GSE1: variants seen among roughly 807,000 people sequenced by gnomAD.
GSE1 encodes the protein genetic suppressor element 1.
Under a neutral mutation model 112.6 loss-of-function variants are expected in GSE1, and 32 were observed. That is an observed-to-expected ratio of 0.28 (90% CI 0.21 to 0.38). The LOEUF is 0.38. Ranked by LOEUF, GSE1 falls within the 10% of genes least tolerant of loss-of-function variation. The pLI is 1.00. For synonymous variants in GSE1, 1,115 were observed against 735.6 expected, an observed-to-expected ratio of 1.52 and a Z score of -8.35; for missense variants, 2,348 against 1,699.2, an observed-to-expected ratio of 1.38 and a Z score of -6.71.
At chr16:85,606,947 G>A (rs1243195911), upstream of GSE1, among the ~76,000 whole-genome samples, 1 of 152,088 alleles carries the variant, frequency 6.6e-6, no homozygotes, top group African/African-American at 2.4e-5. Context: ...AAGTTTAAAG[G>A]TTTTAAATGC....
At chr16:85,407,372 C>T (rs866050727) in intron 2 of GSE1, among the ~76,000 whole-genome samples, 12 of 12,372 alleles carry the variant, frequency 9.7e-4, no homozygotes, top group Admixed American at 2.3e-3. Flanking sequence ...AGGGCCCCCC[C>T]GGATAATCCT....
intron 1 of GSE1, among the ~76,000 whole-genome samples, chr16:85,336,980 G>A (rs899094283): frequency 7.2e-6 from 1 of 139,764 alleles, no homozygotes; most frequent in Non-Finnish European, 1.5e-5. Flanking sequence ...ACATATACAT[G>A]GGCACACACA....
Position 85,645,711 on chromosome 16 carries a change from C to A in GSE1, c.227-2841C>A, listed in dbSNP as rs147423586. 5.2e-3 allele frequency among the ~76,000 whole-genome samples: 799 copies of A among 152,232 alleles called. 5 individuals carry two copies. Among genetic ancestry groups the A allele is most frequent in the Middle Eastern group, 0.01 (3 of 294 alleles). On this transcript the variant is annotated intron_variant, in intron 2 of 15. Coordinates refer to ENST00000253458, the MANE Select transcript of GSE1 (RefSeq NM_014615.5). ...TGAAGGGGAGATGAGGCTGCTTCTG[C>A]CCCCGGAACCAAGGCCAGGTCTGAA...
At chr16:85,436,682 A>C (rs2049253915) in intron 2 of GSE1, among the ~76,000 whole-genome samples, 1 of 152,214 alleles carries the variant, frequency 6.6e-6, no homozygotes, top group African/African-American at 2.4e-5. Flanking sequence ...CAACTGGGCA[A>C]GGCCCAAACC....
intron 1 of GSE1, among the ~76,000 whole-genome samples, chr16:85,585,174 G>C (rs1469340284): frequency 2.6e-5 from 4 of 152,238 alleles, no homozygotes; most frequent in Non-Finnish European, 5.9e-5. Context: ...ACAGAGGATG[G>C]GACAATAAAA....
chr16:85,419,531 G>T lies in GSE1; in HGVS notation c.2464+61888G>T, dbSNP rs1259722707. On this transcript the variant is annotated intron_variant, in intron 2 of 2. Coordinates refer to the GSE1 transcript ENST00000637419. This position sits in a 1 kb window ranked among gnomAD's most constrained non-coding sequence, Gnocchi z 6.5. ...TGAGGTGGGAGGATCGCCTGACCCTGGGAAATCGAGGCTGCAGTGAGCCAT... is the reference window on the plus strand; with the variant it reads ...TGAGGTGGGAGGATCGCCTGACCCTTGGAAATCGAGGCTGCAGTGAGCCAT... Among the ~76,000 whole-genome samples, 1 of 151,752 alleles carries T rather than the reference G, an allele frequency of 6.6e-6. No individual in the cohort carries two copies. Among genetic ancestry groups the T allele is most frequent in the African/African-American group, 2.4e-5 (1 of 41,286 alleles).
At chr16:85,231,725 A>G (rs907375547) in intron 1 of GSE1, among the ~76,000 whole-genome samples, 6 of 152,108 alleles carry the variant, frequency 3.9e-5, no homozygotes, top group African/African-American at 1.4e-4. Context: ...TTGGTCAGCA[A>G]CCTGTCTAGG....
intron 2 of GSE1, among the ~76,000 whole-genome samples, chr16:85,410,231 G>C (rs866422273): frequency 0.019 from 160 of 8,302 alleles, 23 homozygotes; most frequent in Admixed American, 0.034. Context: ...TACACTCAGG[G>C]CCCCCTGGAT....
At chr16:85,631,390 G>A (rs1055229755) in intron 1 of GSE1, among the ~76,000 whole-genome samples, 22 of 152,236 alleles carry the variant, frequency 1.4e-4, no homozygotes, top group African/African-American at 5.3e-4. Flanking sequence ...CGGCCTTTTG[G>A]GGTCACGGGG....
chr16:85,620,128 T>C (rs112499324), intron 1 of GSE1, among the ~76,000 whole-genome samples: 2 of 151,866 alleles, frequency 1.3e-5, no homozygotes, highest in Non-Finnish European at 2.9e-5. Context: ...AAAATAAAAA[T>C]AAAAAGAACT....
chr16:85,391,202 C>T (rs1259482350), intron 2 of GSE1, among the ~76,000 whole-genome samples: 4 of 152,228 alleles, frequency 2.6e-5, no homozygotes, highest in Non-Finnish European at 4.4e-5. Flanking sequence ...CAGCAGCCCA[C>T]GTGGCACAGA....
chr16:85,243,037 T>A (rs1485299541), intron 1 of GSE1, among the ~76,000 whole-genome samples: 3 of 152,150 alleles, frequency 2.0e-5, no homozygotes, highest in Non-Finnish European at 4.4e-5. Flanking sequence ...GGTCACGGAC[T>A]CCTAGGCTCA....
In GSE1 at chr16:85,666,029, G is replaced by C. The variant is rs757183561; in HGVS notation, c.2812G>C (p.Ala938Pro). The change falls in exon 13 of 16, where the codon GCT becomes CCT. Residue 938 changes from alanine to proline, a missense_variant. Transcript: ENST00000253458. ...TGTGGAGAAGCCGGTTGGTGTTGCT[G>C]CTTCCTTGTCTGACATCCCAAAGGC... ...LDVEKPVGVA[A>P]SLSDIPKAAE... is the part of the protein sequence containing the mutation. 8.1e-6 allele frequency: 13 copies of C among 1,613,706 alleles called. No homozygotes were observed. Among genetic ancestry groups the C allele is most frequent in the East Asian group, 2.2e-5 (1 of 44,882 alleles).
intron 1 of GSE1, among the ~76,000 whole-genome samples, chr16:85,237,751 TGGCGTGAACCCAGGAGGC>T (rs1904808217): frequency 6.6e-6 from 1 of 150,620 alleles, no homozygotes; most frequent in South Asian, 2.1e-4. Context: ...GGCAGGAGAA[TGGCGTGAACCCAGGAGGC>T]GGAGCTTGTA....
chr16:85,530,858 G>A lies in GSE1; in HGVS notation c.2465-103056G>A, dbSNP rs143618760. On this transcript the variant is annotated intron_variant, in intron 2 of 2. Transcript: ENST00000637419. ...GGGGAAACCTTGAGGCCCAAGTGAGGAGGATTCTCTTCTTGCAGCCTCCGT... is the reference window on the plus strand; with the variant it reads ...GGGGAAACCTTGAGGCCCAAGTGAGAAGGATTCTCTTCTTGCAGCCTCCGT... 7.6e-4 allele frequency among the ~76,000 whole-genome samples: 116 copies of A among 152,374 alleles called. 1 individual carries two copies. The East Asian group carries it at 0.019, about 25-fold the overall frequency.
intron 1 of GSE1, among the ~76,000 whole-genome samples, chr16:85,200,625 A>G (rs976350499): frequency 1.3e-5 from 2 of 152,098 alleles, no homozygotes; most frequent in African/African-American, 4.8e-5. Context: ...ATTCACTGAC[A>G]ATGAATCACC....
At position 85,462,195 on chromosome 16, in the gene GSE1, G is replaced by A. The variant is rs2049986799; in HGVS notation, c.2464+104552G>A. Among the ~76,000 whole-genome samples, 3 of 152,140 alleles carry A rather than the reference G, an allele frequency of 2.0e-5. 1 individual carries two copies. The South Asian group carries it at 6.2e-4, about 31-fold the overall frequency. Reference sequence around the variant, plus strand: ...CTTGCCAGAGCACACGGTGTCAGGAGGTCCCCCTGCAGTCTCCTCCTGGGG... The same window carrying A: ...CTTGCCAGAGCACACGGTGTCAGGAAGTCCCCCTGCAGTCTCCTCCTGGGG... On this transcript the variant is annotated intron_variant, in intron 2 of 2. Coordinates refer to the GSE1 transcript ENST00000637419.
upstream of GSE1, among the ~76,000 whole-genome samples, chr16:85,612,132 T>C (rs987798578): frequency 4.3e-4 from 65 of 150,214 alleles, no homozygotes; most frequent in Non-Finnish European, 7.0e-4. Flanking sequence ...CCCGGGGGGG[T>C]TACAGCCCAG....
chr16:85,242,257 C>A (rs75373763), intron 1 of GSE1, among the ~76,000 whole-genome samples: 1,769 of 152,346 alleles, frequency 0.012, 39 homozygotes, highest in African/African-American at 0.041. Context: ...CCCCAGCCCC[C>A]CTGCAAGCAG....
Sources: allele counts gnomAD v4.1 joint callset (sites outside exome capture counted in the v4.1 genomes callset), GRCh38; gene constraint gnomAD v4.1.1; non-coding constraint Gnocchi (gnomAD v3.1); transcripts MANE v1.5; gene names NCBI Gene and HGNC (gene_info 2026-07-23, HGNC 2026-07-21).